Variants in GPR15LG observed in about 807,000 individuals in gnomAD.
GPR15LG encodes the protein protein GPR15LG.
the GPR15LG span, among the ~76,000 whole-genome samples, chr10:84,180,976 C>T: frequency 6.6e-6 from 1 of 152,224 alleles, no homozygotes; most frequent in Non-Finnish European, 1.5e-5. Context: ...ATCCCAGGCA[C>T]TTGGCAGGCT....
At chr10:84,173,997 AGGGCAGGCCTTGGC>A in the GPR15LG span, 56 of 1,192,732 alleles carry the variant, frequency 4.7e-5, no homozygotes, top group South Asian at 1.3e-4. Flanking sequence ...GATTTGTTGG[AGGGCAGGCCTTGGC>A]GGGCAGGCCT....
the GPR15LG span, among the ~76,000 whole-genome samples, chr10:84,179,458 G>C: frequency 6.6e-6 from 1 of 152,160 alleles, no homozygotes; most frequent in East Asian, 1.9e-4. Context: ...GACTGATGCT[G>C]GGATTCAGCA....
chr10:84,184,088 G>A, the GPR15LG span, among the ~76,000 whole-genome samples: 1 of 151,766 alleles, frequency 6.6e-6, no homozygotes, highest in Non-Finnish European at 1.5e-5. Flanking sequence ...GGGAGGCTGA[G>A]GCAGGAGGAT....
At chr10:84,181,176 C>T in the GPR15LG span, among the ~76,000 whole-genome samples, 1,275 of 135,894 alleles carry the variant, frequency 9.4e-3, 38 homozygotes, top group African/African-American at 0.036. Flanking sequence ...AGAGGGAGAC[C>T]GTGCAAAGAG....
the GPR15LG span, among the ~76,000 whole-genome samples, chr10:84,183,747 G>A: frequency 6.6e-6 from 1 of 152,106 alleles, no homozygotes; most frequent in Non-Finnish European, 1.5e-5. Context: ...CCAGGCTCAG[G>A]TGATCCTCCC....
chr10:84,175,981 C>T, the GPR15LG span, among the ~76,000 whole-genome samples: 302 of 152,172 alleles, frequency 2.0e-3, 2 homozygotes, highest in Non-Finnish European at 4.4e-4. Context: ...CTCCGCCTCC[C>T]GGGTTCAAGT....
the GPR15LG span, among the ~76,000 whole-genome samples, chr10:84,182,571 C>T: frequency 1.1e-4 from 17 of 152,320 alleles, no homozygotes; most frequent in South Asian, 1.9e-3. Flanking sequence ...TCTTCGCAGG[C>T]GAGCCCAGAC....
At chr10:84,183,889 A>T in the GPR15LG span, among the ~76,000 whole-genome samples, 3 of 152,124 alleles carry the variant, frequency 2.0e-5, no homozygotes, top group Non-Finnish European at 4.4e-5. Context: ...TAAGTGATCC[A>T]CCAGTTTTAG....
At chr10:84,178,227 C>T in the GPR15LG span, among the ~76,000 whole-genome samples, 14 of 151,418 alleles carry the variant, frequency 9.2e-5, no homozygotes, top group East Asian at 7.8e-4. Context: ...ACACACACCA[C>T]GCACTATACA....
the GPR15LG span, among the ~76,000 whole-genome samples, chr10:84,183,972 C>A: frequency 3.3e-5 from 5 of 152,040 alleles, no homozygotes; most frequent in Non-Finnish European, 7.4e-5. Context: ...TTAACAATTT[C>A]TCTATTATAG....
At chr10:84,185,050 C>G in the GPR15LG span, 20 of 1,247,990 alleles carry the variant, frequency 1.6e-5, no homozygotes, top group East Asian at 4.6e-4. Flanking sequence ...CCACCATGAC[C>G]GGTCACAGCT....
chr10:84,178,751 TA>T, the GPR15LG span, among the ~76,000 whole-genome samples: 1 of 152,252 alleles, frequency 6.6e-6, no homozygotes, highest in African/African-American at 2.4e-5. Flanking sequence ...TTCTGGAGAA[TA>T]AATCTAGGTG....
At chr10:84,177,131 A>G in the GPR15LG span, among the ~76,000 whole-genome samples, 10 of 152,200 alleles carry the variant, frequency 6.6e-5, no homozygotes, top group Non-Finnish European at 1.5e-4. Flanking sequence ...CAGAGATGCC[A>G]GCAGGCAGCA....
At chr10:84,184,995 C>T in the GPR15LG span, 5 of 1,373,240 alleles carry the variant, frequency 3.6e-6, no homozygotes, top group Non-Finnish European at 4.7e-6. Context: ...CACAGGGCCT[C>T]AGTCGCCACC....
the GPR15LG span, among the ~76,000 whole-genome samples, chr10:84,180,988 A>T: frequency 6.6e-6 from 1 of 152,224 alleles, no homozygotes; most frequent in Admixed American, 6.5e-5. Context: ...TGGCAGGCTG[A>T]GGCAGGAGAA....
At chr10:84,184,904 C>T in the GPR15LG span, 2 of 1,493,114 alleles carry the variant, frequency 1.3e-6, no homozygotes, top group Non-Finnish European at 8.8e-7. Flanking sequence ...GCTGCAAGGA[C>T]CCTGGGAAAG....
chr10:84,178,561 A>C, the GPR15LG span, among the ~76,000 whole-genome samples: 1 of 151,584 alleles, frequency 6.6e-6, no homozygotes, highest in African/African-American at 2.4e-5. Flanking sequence ...ACACATGGAC[A>C]AGCAATTACA....
chr10:84,174,006 C>T, the GPR15LG span: 6 of 1,100,518 alleles, frequency 5.5e-6, no homozygotes, highest in South Asian at 6.2e-5. Context: ...GAGGGCAGGC[C>T]TTGGCGGGCA....
At chr10:84,183,734 C>T in the GPR15LG span, among the ~76,000 whole-genome samples, 2 of 152,072 alleles carry the variant, frequency 1.3e-5, no homozygotes, top group Non-Finnish European at 2.9e-5. Context: ...ACAGCCTCAC[C>T]TCCCAGGCTC....
Sources: gnomAD v4.1 joint callset for allele counts (sites outside exome capture counted in the v4.1 genomes callset) on GRCh38, gnomAD v4.1.1 for gene constraint, MANE v1.5 for transcripts, NCBI Gene and HGNC (gene_info 2026-07-23, HGNC 2026-07-21) for gene names.